Variants in FKBP5 observed in about 807,000 individuals in gnomAD.
FKBP5 encodes the protein peptidyl-prolyl cis-trans isomerase FKBP5.
A neutral mutation model predicts 50.5 loss-of-function variants in FKBP5; 23 were observed. The ratio of observed to expected loss-of-function variants is 0.46; its 90% CI spans 0.33 to 0.65. FKBP5 has a LOEUF of 0.65. Ranked by LOEUF, FKBP5 falls within the 30% of genes least tolerant of loss-of-function variation. The pLI is 0.02. For synonymous variants in FKBP5, 176 were observed against 190.6 expected (o/e 0.92, Z 0.63); for missense variants, 411 against 553.1 (o/e 0.74, Z 2.58).
At chr6:35,670,334 GAC>G (rs941112150) in intron 1 of FKBP5, among the ~76,000 whole-genome samples, 4 of 152,100 alleles carry the variant, frequency 2.6e-5, no homozygotes, top group East Asian at 3.8e-4. Flanking sequence ...CTAAATTAGA[GAC>G]ACAGAATTAG....
intron 3 of FKBP5, among the ~76,000 whole-genome samples, chr6:35,624,649 C>T (rs990542412): frequency 1.3e-5 from 2 of 152,114 alleles, no homozygotes; most frequent in Non-Finnish European, 1.5e-5. Flanking sequence ...TGGCCCACGT[C>T]CTAATAAGAT....
At chr6:35,613,873 C>T (rs934486865) in intron 5 of FKBP5, among the ~76,000 whole-genome samples, 1 of 152,136 alleles carries the variant, frequency 6.6e-6, no homozygotes, top group Non-Finnish European at 1.5e-5. Context: ...AAAGATTAGT[C>T]ATTGCCCTTT....
At chr6:35,615,790 T>TATTTTATTTTTTGCC (rs1763635218) in intron 5 of FKBP5, among the ~76,000 whole-genome samples, 1 of 152,180 alleles carries the variant, frequency 6.6e-6, no homozygotes, top group African/African-American at 2.4e-5. Context: ...TACTTTTTAA[T>TATTTTATTTTTTGCC]TACAAAGGGA....
chr6:35,594,633 T>C (rs890152728), intron 6 of FKBP5, among the ~76,000 whole-genome samples: 2 of 151,926 alleles, frequency 1.3e-5, no homozygotes, highest in Non-Finnish European at 2.9e-5. Flanking sequence ...CACACACACA[T>C]ATATAGCATG....
At chr6:35,597,542 G>A in intron 5 of FKBP5, 138 bp from the exon 6 acceptor site, 1 of 1,029,908 alleles carries the variant, frequency 9.7e-7, no homozygotes, top group Non-Finnish European at 1.4e-6. Context: ...CACACAGTGT[G>A]TCTTGGTGAA....
At chr6:35,722,191 C>T (rs1449056072) in intron 1 of FKBP5, among the ~76,000 whole-genome samples, 1 of 151,732 alleles carries the variant, frequency 6.6e-6, no homozygotes, top group Non-Finnish European at 1.5e-5. Flanking sequence ...TTTTTTATGG[C>T]CTGTCCCCTT....
intron 6 of FKBP5, 116 bp downstream of exon 6, chr6:35,597,128 TTTAA>T: frequency 9.3e-7 from 1 of 1,071,572 alleles, no homozygotes. Context: ...TGCAGCCTGA[TTTAA>T]TTGTTTCCGT....
rs371713676 is a variant in FKBP5 at position 35,580,019 on chromosome 6, A to G, written c.1026+17T>C. On this transcript the variant is annotated intron_variant, in intron 9 of 10. Transcript: ENST00000357266. ...CTGGAGTATCTAAAGTCCATCTCACAGGAGACACGATGTTACCTTGTCACA... is the reference window on the plus strand; with the variant it reads ...CTGGAGTATCTAAAGTCCATCTCACGGGAGACACGATGTTACCTTGTCACA... 14 of 1,601,856 alleles carry G rather than the reference A, an allele frequency of 8.7e-6. No individual in the cohort carries two copies. The highest frequency in any genetic ancestry group is 1.3e-5 in the African/African-American group (1 of 74,688).
At chr6:35,581,936 A>G (rs996554658) in intron 8 of FKBP5, 2 of 985,336 alleles carry the variant, frequency 2.0e-6, no homozygotes, top group East Asian at 1.1e-4. Flanking sequence ...TCACCCAAGG[A>G]GTCTGAGTAA....
chr6:35,724,129 G>C (rs887099551), intron 1 of FKBP5, among the ~76,000 whole-genome samples: 2 of 152,230 alleles, frequency 1.3e-5, no homozygotes, highest in Non-Finnish European at 2.9e-5. Context: ...CCAAAGGCCT[G>C]CTGTAAACGG....
intron 5 of FKBP5, among the ~76,000 whole-genome samples, chr6:35,614,497 T>C (rs893478850): frequency 3.2e-4 from 49 of 152,080 alleles, no homozygotes; most frequent in African/African-American, 1.1e-3. Flanking sequence ...TTTGTTACAA[T>C]TGAGTAACAT....
At chr6:35,620,389 T>C (rs918434575) in intron 3 of FKBP5, 115 bp from the exon 4 acceptor site, 7 of 1,053,284 alleles carry the variant, frequency 6.6e-6, no homozygotes, top group African/African-American at 6.4e-5. Flanking sequence ...AGCTAGAAAG[T>C]ATGGGCTACA....
rs114356859 is a variant in FKBP5 at position 35,579,446 on chromosome 6, A to G, written c.1026+590T>C. On this transcript the variant is annotated intron_variant, in intron 9 of 10. Coordinates refer to ENST00000357266, the MANE Select transcript of FKBP5 (RefSeq NM_004117.4). ...AAATAGTATCGGCTGGTGTATAAATATATCAGAACGATACATAACGATACA... is the reference window on the plus strand; with the variant it reads ...AAATAGTATCGGCTGGTGTATAAATGTATCAGAACGATACATAACGATACA... Among the ~76,000 whole-genome samples the G allele has an allele frequency of 8.2e-3, 1,248 of 152,304 alleles. 13 individuals carry two copies. The highest frequency in any genetic ancestry group is 0.014 in the Non-Finnish European group (944 of 68,024).
upstream of FKBP5, among the ~76,000 whole-genome samples, chr6:35,689,952 C>T (rs532147427): frequency 1.3e-5 from 2 of 152,290 alleles, no homozygotes; most frequent in East Asian, 1.9e-4. Context: ...GCACCTGGGC[C>T]TTAGGGAATC....
chr6:35,586,606 C>CAAAA lies in FKBP5; in HGVS notation c.840+424_840+427dup. ...AGAAAGGGAGACCCTGTCTCTCATA[C>CAAAA]AAAAAAAAAAAAAGGAAGAAAGAAA... On this transcript the variant is annotated intron_variant, in intron 8 of 10. Coordinates refer to ENST00000357266, the MANE Select transcript of FKBP5 (RefSeq NM_004117.4). 4 of 794,640 alleles carry CAAAA rather than the reference C, an allele frequency of 5.0e-6. No homozygotes were observed. The African/African-American group carries it at 9.2e-5, about 18-fold the overall frequency. 49.2% of individuals were successfully genotyped at this position (794,640 alleles called of 1,614,324 possible).
chr6:35,680,494 A>G (rs571201085), intron 1 of FKBP5, among the ~76,000 whole-genome samples: 2 of 152,236 alleles, frequency 1.3e-5, no homozygotes, highest in Non-Finnish European at 2.9e-5. Context: ...TAATGAACAC[A>G]TACTAAAAAT....
Position 35,595,750 on chromosome 6 carries a change from CA to C in FKBP5, c.665+1497del, listed in dbSNP as rs763300374. ...GGGCGACAGAGTGAGATCCTGTTAC[CA>C]AAAAAAAAAAAGTAATTAGAGATTA... is the stretch of plus-strand genomic sequence containing the variant. On this transcript the variant is annotated intron_variant, in intron 6 of 10. Coordinates refer to ENST00000357266, the MANE Select transcript of FKBP5 (RefSeq NM_004117.4). 7.0e-3 allele frequency among the ~76,000 whole-genome samples: 945 copies of C among 135,094 alleles called. 4 individuals carry two copies. The highest frequency in any genetic ancestry group is 0.02 in the African/African-American group (730 of 36,984). 88.6% of individuals were successfully genotyped at this position (135,094 alleles called of 152,430 possible). A position where few individuals can be genotyped will look rare whatever the true frequency, so the allele number is the denominator to read the frequency against.
chr6:35,673,675 G>C (rs1243634521), intron 1 of FKBP5, among the ~76,000 whole-genome samples: 2 of 152,240 alleles, frequency 1.3e-5, no homozygotes, highest in East Asian at 3.9e-4. Context: ...GCAGATTTTG[G>C]AGACTTGGTT....
intron 8 of FKBP5, chr6:35,585,422 G>C: frequency 1.0e-6 from 1 of 984,790 alleles, no homozygotes; most frequent in Non-Finnish European, 1.2e-6. Flanking sequence ...TTGTTCTTGA[G>C]AGTTTAGAAA....
Sources: gnomAD v4.1 joint callset for allele counts (sites outside exome capture counted in the v4.1 genomes callset) on GRCh38, gnomAD v4.1.1 for gene constraint, MANE v1.5 for transcripts, NCBI Gene and HGNC (gene_info 2026-07-23, HGNC 2026-07-21) for gene names.